Variants in FARP2 observed in about 807,000 individuals in gnomAD.
FARP2 encodes the protein FERM, ARHGEF and pleckstrin domain-containing protein 2.
In FARP2, 111 loss-of-function variants were observed where a neutral mutation model predicts 130.5. That is an observed-to-expected ratio of 0.85 (90% confidence interval 0.73 to 1.00). The LOEUF (loss-of-function observed/expected upper bound fraction) is 1.00, where lower values mean the gene tolerates loss of function less well. Ranked by LOEUF, FARP2 falls within the 50% of genes least tolerant of loss-of-function variation. The pLI is 0.00. For missense variants in FARP2, 1,385 were observed against 1,346.3 expected (o/e 1.03, Z -0.45); for synonymous variants, 504 against 516.9 (o/e 0.98, Z 0.34).
chr2:241,434,884 C>G (rs541749810), intron 10 of FARP2, 78 bp from the exon 11 acceptor site: 2 of 892,008 alleles, frequency 2.2e-6, no homozygotes, highest in Non-Finnish European at 3.7e-6. Context: ...ATGGGTAAAT[C>G]TTTTCTTTTG....
In FARP2 at chr2:241,411,069, G is replaced by A. The variant is rs1247013358; in HGVS notation, c.447G>A (p.Leu149=). ...CCTTGCAACTTAAGAGAGACCTGCT[G>A]GAAGAGCGTTTGACCTGTGCTGACA... ...LFALQLKRDL[L]EERLTCADTT... is the part of the protein sequence containing the mutation. The change falls in exon 6 of 27, where the codon CTG becomes CTA. Residue 149 remains leucine, a synonymous_variant. Transcript: ENST00000264042. 2 of 1,612,336 alleles carry A rather than the reference G, an allele frequency of 1.2e-6. No homozygotes were observed.
chr2:241,416,588 G>T (rs1352450391), intron 7 of FARP2, among the ~76,000 whole-genome samples: 2 of 152,156 alleles, frequency 1.3e-5, no homozygotes, highest in Non-Finnish European at 2.9e-5. Context: ...GGATATTAAA[G>T]AAGTGTTTTT....
chr2:241,431,683 C>T lies in FARP2; in HGVS notation c.776C>T (p.Thr259Ile). The T allele has an allele frequency of 1.3e-6, 2 of 1,567,552 alleles. No homozygotes were observed. Among genetic ancestry groups the T allele is most frequent in the African/African-American group, 1.4e-5 (1 of 73,778 alleles). The change falls in exon 9 of 27, where the codon ACC becomes ATC. Residue 259 changes from threonine to isoleucine, a missense_variant. Thr to Ile is a moderately conservative substitution (Grantham distance 89). Transcript: ENST00000264042. ...TGTCTGTCTCTTGCATTTCAGGGCA[C>T]CACCAAAATCAACACTTTCAACTGG... Reference protein sequence around the residue: ...SHMGVLVFQGTTKINTFNWSK... With the variant: ...SHMGVLVFQGITKINTFNWSK...
chr2:241,384,249 C>T (rs1234490658), intron 2 of FARP2, among the ~76,000 whole-genome samples: 1 of 152,104 alleles, frequency 6.6e-6, no homozygotes, highest in Non-Finnish European at 1.5e-5. Context: ...GCACTTCCAA[C>T]TGTTGTTATT....
chr2:241,400,588 CT>C (rs1312139131), intron 2 of FARP2, among the ~76,000 whole-genome samples: 1 of 152,220 alleles, frequency 6.6e-6, no homozygotes, highest in Non-Finnish European at 1.5e-5. Context: ...AAAGCATTCA[CT>C]GGAGACTGAT....
chr2:241,482,024 G>C lies in FARP2; in HGVS notation c.2263-1441G>C, dbSNP rs1440299199. Among the ~76,000 whole-genome samples, 1 of 152,214 alleles carries C rather than the reference G, an allele frequency of 6.6e-6. No homozygotes were observed. Among genetic ancestry groups the C allele is most frequent in the African/African-American group, 2.4e-5 (1 of 41,452 alleles). On this transcript the variant is annotated intron_variant, in intron 19 of 26. Transcript: ENST00000264042. This position sits in a 1 kb window ranked among gnomAD's most constrained non-coding sequence, Gnocchi z 4.6. The stretch of plus-strand genomic sequence containing the variant: ...ATGTCTGGATAGCCCAGAATTTCTT[G>C]TCTTCCTGAGTTAAATATGTGTGTC...
intron 1 of FARP2, among the ~76,000 whole-genome samples, chr2:241,357,745 C>T (rs935378208): frequency 6.6e-6 from 1 of 152,178 alleles, no homozygotes; most frequent in African/African-American, 2.4e-5. Flanking sequence ...ATGCAGTTTC[C>T]TGGACTGCAG....
In FARP2 at chr2:241,401,390, G is replaced by A. The variant is rs565213612; in HGVS notation, c.184-2438G>A. ...ACCTCTGCTTAGTTCTTTAATGATGGTTACTTTTAAAGATTTAGTGAACAG... is the reference window on the plus strand; with the variant it reads ...ACCTCTGCTTAGTTCTTTAATGATGATTACTTTTAAAGATTTAGTGAACAG... On this transcript the variant is annotated intron_variant, in intron 2 of 26. Coordinates refer to ENST00000264042, the MANE Select transcript of FARP2 (RefSeq NM_014808.4). 2.6e-5 allele frequency among the ~76,000 whole-genome samples: 4 copies of A among 152,224 alleles called. No individual in the cohort carries two copies. In the South Asian group the frequency reaches 8.3e-4, roughly 32 times the overall value.
At chr2:241,406,181 G>A (rs988119913) in intron 4 of FARP2, among the ~76,000 whole-genome samples, 7 of 150,752 alleles carry the variant, frequency 4.6e-5, no homozygotes, top group Middle Eastern at 3.4e-3. Context: ...GGTGGGGGGC[G>A]CCTGTAGTCC....
At chr2:241,390,687 AT>A (rs1490280423) in intron 2 of FARP2, among the ~76,000 whole-genome samples, 5 of 151,220 alleles carry the variant, frequency 3.3e-5, no homozygotes, top group African/African-American at 7.3e-5. Context: ...TTTAATTTTA[AT>A]TTTTTCCCAT....
chr2:241,482,809 A>C lies in FARP2; in HGVS notation c.2263-656A>C, dbSNP rs2064649498. ...GGCTCCAGAGCAGTCCAGGTTAGGA[A>C]TCTGAGGGGCTCCCAGGACTCTCGC... is the stretch of plus-strand genomic sequence containing the variant. On this transcript the variant is annotated intron_variant, in intron 19 of 26. Coordinates refer to ENST00000264042, the MANE Select transcript of FARP2 (RefSeq NM_014808.4). This position sits in a 1 kb window ranked among gnomAD's most constrained non-coding sequence, Gnocchi z 4.6. 6.6e-6 allele frequency among the ~76,000 whole-genome samples: 1 copy of C among 152,114 alleles called. No individual in the cohort carries two copies. Among genetic ancestry groups the C allele is most frequent in the African/African-American group, 2.4e-5 (1 of 41,416 alleles).
chr2:241,405,800 GGC>G (rs2062319995), intron 4 of FARP2, among the ~76,000 whole-genome samples: 1 of 152,074 alleles, frequency 6.6e-6, no homozygotes, highest in African/African-American at 2.4e-5. Flanking sequence ...TAGGCGTGAT[GGC>G]GCATGCCTAT....
At chr2:241,466,626 T>TGGCCCTCACC in intron 17 of FARP2, 2 of 983,786 alleles carry the variant, frequency 2.0e-6, no homozygotes, top group Non-Finnish European at 2.4e-6. Flanking sequence ...CATCCCCACC[T>TGGCCCTCACC]GGCCCTCACC....
At position 241,435,036 on chromosome 2, in the gene FARP2, C is replaced by G; in HGVS notation, c.1100+6C>G. ...AAGAGAATTCCATATGAAAGGTAAG[C>G]TCTGGCCTTTATGATGTAAAGTGTG... On this transcript the variant is annotated splice_donor_region_variant and intron_variant, in intron 11 of 26. Coordinates refer to ENST00000264042, the MANE Select transcript of FARP2 (RefSeq NM_014808.4). 6.5e-7 allele frequency: 1 copy of G among 1,539,616 alleles called. No homozygotes were observed. Among genetic ancestry groups the G allele is most frequent in the Non-Finnish European group, 8.9e-7 (1 of 1,122,954 alleles).
chr2:241,375,316 T>G (rs1334872090), intron 2 of FARP2, among the ~76,000 whole-genome samples: 1 of 152,170 alleles, frequency 6.6e-6, no homozygotes, highest in Non-Finnish European at 1.5e-5. Context: ...ATAAACACAT[T>G]TACCATTGTC....
chr2:241,396,206 C>T (rs113422422), intron 2 of FARP2, among the ~76,000 whole-genome samples: 2 of 151,808 alleles, frequency 1.3e-5, no homozygotes, highest in African/African-American at 2.4e-5. Context: ...AAGACTTAAA[C>T]GTTAGACCTA....
chr2:241,483,452 CTCTG>C lies in FARP2; in HGVS notation c.2263-9_2263-6del. On this transcript the variant is annotated splice_polypyrimidine_tract_variant and intron_variant, in intron 19 of 26. Coordinates refer to ENST00000264042, the MANE Select transcript of FARP2 (RefSeq NM_014808.4). ...TCAGCCCGCTGAAAGGGGACTCTGT[CTCTG>C]TCTTTCAGGAGTTCATCCGTGAGGG... 1.2e-6 allele frequency: 2 copies of C among 1,612,766 alleles called. No homozygotes were observed. The highest frequency in any genetic ancestry group is 2.2e-5 in the East Asian group (1 of 44,880).
At chr2:241,420,922 C>T (rs2062789819) in intron 8 of FARP2, among the ~76,000 whole-genome samples, 1 of 152,214 alleles carries the variant, frequency 6.6e-6, no homozygotes, top group African/African-American at 2.4e-5. Context: ...GTTCACACCA[C>T]TCACGAAGAG....
intron 8 of FARP2, among the ~76,000 whole-genome samples, chr2:241,428,525 A>G (rs1415068870): frequency 6.6e-6 from 1 of 152,066 alleles, no homozygotes; most frequent in Non-Finnish European, 1.5e-5. Flanking sequence ...TAGAAATTAG[A>G]ACGACTTAGT....
Sources: allele counts gnomAD v4.1 joint callset (sites outside exome capture counted in the v4.1 genomes callset), GRCh38; gene constraint gnomAD v4.1.1; non-coding constraint Gnocchi (gnomAD v3.1); transcripts MANE v1.5; gene names NCBI Gene and HGNC (gene_info 2026-07-23, HGNC 2026-07-21).